Variants in GNAL observed in about 807,000 individuals in gnomAD.
GNAL encodes the protein G protein subunit alpha L.
GNAL carries 18 observed loss-of-function variants against 55.1 expected under a neutral mutation model. The ratio of observed to expected loss-of-function variants is 0.33; its 90% CI spans 0.23 to 0.48. The LOEUF is 0.48. GNAL is among the 20% of genes least tolerant of loss of function. The pLI is 0.99. For synonymous variants in GNAL, 253 were observed against 237.0 expected (o/e 1.07, Z -0.62); for missense variants, 412 against 614.1 (o/e 0.67, Z 3.48).
At chr18:11,789,092 C>T (rs746436727) in intron 4 of GNAL, among the ~76,000 whole-genome samples, 4 of 151,788 alleles carry the variant, frequency 2.6e-5, no homozygotes, top group African/African-American at 4.8e-5. Flanking sequence ...TAGTCTTTCT[C>T]GATGCCACAC....
chr18:11,846,512 G>T (rs2035744723), intron 5 of GNAL, among the ~76,000 whole-genome samples: 1 of 144,886 alleles, frequency 6.9e-6, no homozygotes, highest in South Asian at 2.3e-4. Flanking sequence ...CTGTCAGCCA[G>T]GCTGGAATAC....
intron 10 of GNAL, chr18:11,874,435 T>A (rs1244347783): frequency 6.7e-6 from 1 of 149,132 alleles, no homozygotes; most frequent in Non-Finnish European, 1.5e-5. Flanking sequence ...TGTAAATGTC[T>A]AAAAAGTAAA....
intron 9 of GNAL, among the ~76,000 whole-genome samples, chr18:11,870,611 CCTTACAG>C (rs1360494370): frequency 6.6e-6 from 1 of 152,052 alleles, no homozygotes; most frequent in Non-Finnish European, 1.5e-5. Context: ...CTCTAAGATC[CCTTACAG>C]CTCACAATCA....
At position 11,885,638 on chromosome 18, in the gene GNAL, T is replaced by G; in HGVS notation, c.*4503T>G. On this transcript the variant is annotated 3_prime_UTR_variant, in exon 12 of 12. Transcript: ENST00000334049. ...TGATTACTGTGTTGATTTAAATACT[T>G]ATGAAAGCTTTCAGACAAAAATAAA... 11 of 1,593,284 alleles carry G rather than the reference T, an allele frequency of 6.9e-6. No homozygotes were observed. The highest frequency in any genetic ancestry group is 9.4e-6 in the Non-Finnish European group (11 of 1,164,776).
In GNAL at chr18:11,872,574, C is replaced by A. The variant is rs2071141; in HGVS notation, c.1162+176C>A. Among the ~76,000 whole-genome samples, 36,531 of 152,058 alleles carry A rather than the reference C, an allele frequency of 0.24. 4,667 individuals are homozygous for A. The highest frequency in any genetic ancestry group is 0.33 in the African/African-American group (13,606 of 41,462). On this transcript the variant is annotated intron_variant, in intron 10 of 11. Coordinates refer to ENST00000334049, the MANE Select transcript of GNAL (RefSeq NM_182978.4). Reference sequence around the variant, plus strand: ...AGTGTTACAAGGTCCTATTTGTAATCGGATCCCATTTGTAAATGTTTCCGA... The same window carrying A: ...AGTGTTACAAGGTCCTATTTGTAATAGGATCCCATTTGTAAATGTTTCCGA...
intron 1 of GNAL, among the ~76,000 whole-genome samples, chr18:11,728,323 T>C (rs1030722335): frequency 5.9e-5 from 9 of 152,184 alleles, no homozygotes; most frequent in Admixed American, 2.0e-4. Flanking sequence ...TTAATGTCTC[T>C]CTGAGCCTGA....
chr18:11,701,189 A>G (rs1444964920), intron 1 of GNAL, among the ~76,000 whole-genome samples: 1 of 152,176 alleles, frequency 6.6e-6, no homozygotes, highest in Non-Finnish European at 1.5e-5. Flanking sequence ...ATTCACGTGG[A>G]ACCTCTCAGT....
intron 5 of GNAL, chr18:11,852,133 T>G: frequency 6.4e-7 from 1 of 1,555,766 alleles, no homozygotes; most frequent in Non-Finnish European, 8.7e-7. Context: ...GCTCTGAGGT[T>G]TCCTGGCCAT....
At chr18:11,762,388 TA>T (rs1267929009) in intron 4 of GNAL, among the ~76,000 whole-genome samples, 1 of 152,216 alleles carries the variant, frequency 6.6e-6, no homozygotes, top group East Asian at 1.9e-4. Context: ...GTACACATAT[TA>T]TCCATCTTGT....
chr18:11,700,552 C>G (rs1353886986), intron 1 of GNAL, among the ~76,000 whole-genome samples: 2 of 152,224 alleles, frequency 1.3e-5, no homozygotes, highest in Non-Finnish European at 2.9e-5. Context: ...AGGGAAGCCA[C>G]CCATCAAAAT....
chr18:11,864,707 C>T lies in GNAL; in HGVS notation c.851+101C>T, dbSNP rs527921876. Reference sequence around the variant, plus strand: ...GGGCTTCATTCCTGAATGTGCATGGCAGCCCTTTCAGGTAAGAGCAGCTGG... The same window carrying T: ...GGGCTTCATTCCTGAATGTGCATGGTAGCCCTTTCAGGTAAGAGCAGCTGG... On this transcript the variant is annotated intron_variant, in intron 7 of 11. Transcript: ENST00000334049. 61 of 758,832 alleles carry T rather than the reference C, an allele frequency of 8.0e-5. No individual in the cohort carries two copies. In the East Asian group the frequency reaches 1.4e-3, roughly 17 times the overall value. 47.0% of individuals were successfully genotyped at this position (758,832 alleles called of 1,614,324 possible).
intron 4 of GNAL, among the ~76,000 whole-genome samples, chr18:11,756,323 C>T (rs538612766): frequency 6.6e-6 from 1 of 152,186 alleles, no homozygotes; most frequent in African/African-American, 2.4e-5. Context: ...ATTAAGGTTA[C>T]TTAAAAGTTA....
intron 1 of GNAL, chr18:11,747,151 G>A (rs1233680941): frequency 2.5e-6 from 1 of 395,390 alleles, no homozygotes; most frequent in Non-Finnish European, 5.0e-6. Flanking sequence ...CTTGAACTGA[G>A]AGTCTGGTTT....
At chr18:11,722,973 T>C (rs1446991507) in intron 1 of GNAL, among the ~76,000 whole-genome samples, 2 of 145,572 alleles carry the variant, frequency 1.4e-5, no homozygotes, top group Non-Finnish European at 3.0e-5. Context: ...ATCGCGCTAT[T>C]GCACTCCAGC....
At chr18:11,782,735 A>G (rs2033954619) in intron 4 of GNAL, among the ~76,000 whole-genome samples, 1 of 152,240 alleles carries the variant, frequency 6.6e-6, no homozygotes, top group South Asian at 2.1e-4. Flanking sequence ...ACTGTGTGTC[A>G]TTAACCAGAT....
At chr18:11,818,472 G>A (rs1263282940) in intron 4 of GNAL, among the ~76,000 whole-genome samples, 1 of 152,176 alleles carries the variant, frequency 6.6e-6, no homozygotes, top group African/African-American at 2.4e-5. Context: ...GATTACAGTG[G>A]TGGACATTAT....
intron 5 of GNAL, chr18:11,857,358 A>T: frequency 2.8e-6 from 1 of 358,090 alleles, no homozygotes; most frequent in Non-Finnish European, 3.9e-6. Context: ...TCAAAGGGGG[A>T]AAAAAAGCAG....
At chr18:11,829,241 C>T (rs1011750827) in intron 5 of GNAL, among the ~76,000 whole-genome samples, 1 of 152,188 alleles carries the variant, frequency 6.6e-6, no homozygotes, top group Non-Finnish European at 1.5e-5. Flanking sequence ...GAAACTGGTT[C>T]CCCCTTGAGG....
intron 1 of GNAL, among the ~76,000 whole-genome samples, chr18:11,728,959 G>T (rs980955661): frequency 6.6e-6 from 1 of 152,188 alleles, no homozygotes; most frequent in African/African-American, 2.4e-5. Flanking sequence ...AACACACTGG[G>T]ATGGGATGGA....
Sources: allele counts gnomAD v4.1 joint callset (sites outside exome capture counted in the v4.1 genomes callset), GRCh38; gene constraint gnomAD v4.1.1; transcripts MANE v1.5; gene names NCBI Gene and HGNC (gene_info 2026-07-23, HGNC 2026-07-21).